Variants in PRDM8 observed in about 807,000 individuals in gnomAD.
PRDM8 encodes the protein PR/SET domain 8, also known as PR domain zinc finger protein 8.
A neutral mutation model predicts 46.5 loss-of-function variants in PRDM8; 13 were observed. The observed-to-expected ratio is 0.28, with a 90% confidence interval of 0.18 to 0.44. The LOEUF (loss-of-function observed/expected upper bound fraction) is 0.44, where lower values mean the gene tolerates loss of function less well. PRDM8 is among the 20% of genes least tolerant of loss of function. The probability of loss-of-function intolerance (pLI) is 1.00; values close to 1 mark genes in which losing one functional copy is unlikely to be tolerated. For synonymous variants in PRDM8, 473 were observed against 438.4 expected (o/e 1.08, Z -0.98); for missense variants, 998 against 955.0 (o/e 1.04, Z -0.59).
At chr4:80,195,562 C>G (rs56275326), upstream of PRDM8, among the ~76,000 whole-genome samples, 5 of 151,408 alleles carry the variant, frequency 3.3e-5, no homozygotes, top group African/African-American at 9.7e-5. Context: ...AGAAGTGAAT[C>G]TAGTATTCAA....
chr4:80,198,098 G>A (rs1235272867), intron 1 of PRDM8, among the ~76,000 whole-genome samples: 1 of 152,214 alleles, frequency 6.6e-6, no homozygotes, highest in Non-Finnish European at 1.5e-5. Context: ...CCTAGAGCGG[G>A]GCACGGAGCT....
upstream of PRDM8, chr4:80,196,880 A>G: frequency 1.0e-6 from 1 of 980,016 alleles, no homozygotes; most frequent in Non-Finnish European, 1.2e-6. Flanking sequence ...GTCTGGTGAC[A>G]TTCTCACTCC....
At chr4:80,195,728 C>T (rs1410510475), upstream of PRDM8, among the ~76,000 whole-genome samples, 1 of 152,122 alleles carries the variant, frequency 6.6e-6, no homozygotes, top group Admixed American at 6.5e-5. Flanking sequence ...GTACATAAAA[C>T]TGCACTTCAA....
In PRDM8 at chr4:80,203,197, A is replaced by G; in HGVS notation, c.1735A>G (p.Thr579Ala). 1.3e-6 allele frequency: 2 copies of G among 1,549,982 alleles called. No individual in the cohort carries two copies. The highest frequency in any genetic ancestry group is 1.7e-6 in the Non-Finnish European group (2 of 1,150,586). Reference sequence around the variant, plus strand: ...TAAGCAGAGCCCCTTCCTGTACGCCACCGCCTTCTGGCCCAAGAGCTCCGC... The same window carrying G: ...TAAGCAGAGCCCCTTCCTGTACGCCGCCGCCTTCTGGCCCAAGAGCTCCGC... ...LPKQSPFLYA[T>A]AFWPKSSAAA... The change falls in exon 4 of 4, where the codon ACC (threonine) becomes GCC (alanine). Residue 579 changes from threonine to alanine, a missense_variant. Transcript: ENST00000415738.
intron 1 of PRDM8, among the ~76,000 whole-genome samples, chr4:80,187,244 T>TGCGGGGGGGGGGGGGG (rs60061648): frequency 1.1e-5 from 1 of 89,968 alleles, no homozygotes. Context: ...TTCTCTGCCC[T>TGCGGGGGGGGGGGGGG]GGGGCGGGGG....
chr4:80,202,940 C>G lies in PRDM8; in HGVS notation c.1478C>G (p.Ala493Gly), dbSNP rs760170098. 17 of 1,461,594 alleles carry G rather than the reference C, an allele frequency of 1.2e-5. 1 individual carries two copies. Among genetic ancestry groups the G allele is most frequent in the South Asian group, 1.1e-4 (8 of 75,486 alleles). 90.5% of individuals were successfully genotyped at this position (1,461,594 alleles called of 1,614,324 possible). ...GGCGCGGGCGGGGGCCAGGGCGCCG[C>G]GTCGGACGAGCGCAAAAGCGCCTTC... is the stretch of plus-strand genomic sequence containing the variant. ...AGGAGGGQGAASDERKSAFSQ... is the reference protein window; with the variant it reads ...AGGAGGGQGAGSDERKSAFSQ... The change falls in exon 4 of 4, where the codon GCG becomes GGG. Residue 493 changes from alanine (A) to glycine (G), a missense_variant. By Grantham distance (60) the Ala-to-Gly change is moderately conservative. Transcript: ENST00000415738.
Position 80,201,423 on chromosome 4 carries a change from G to A in PRDM8, c.353G>A (p.Arg118His), listed in dbSNP as rs1738432931. 4 of 1,614,104 alleles carry A rather than the reference G, an allele frequency of 2.5e-6. No individual in the cohort carries two copies. Among genetic ancestry groups the A allele is most frequent in the Admixed American group, 1.7e-5 (1 of 60,010 alleles). ...GGACAGCTGTTCTACCGCTCTCTCC[G>A]CAGGATTGCCAAAGACGAGGAGTTA... ...KNGQLFYRSL[R>H]RIAKDEELLV... Residue 118 changes from arginine to histidine, a missense_variant, in exon 3 of 4, where the codon CGC becomes CAC. Transcript: ENST00000415738.
At position 80,202,420 on chromosome 4, in the gene PRDM8, G is replaced by A. The variant is rs1397271177; in HGVS notation, c.958G>A (p.Ala320Thr). ...GKGKRKFPEE[A>T]AEGGGGAGLV... ...AGGAAAGAGGAAATTCCCGGAGGAG[G>A]CGGCGGAGGGCGGCGGTGGCGCTGG... The change falls in exon 4 of 4, where the codon GCG (alanine) becomes ACG (threonine). Residue 320 changes from alanine (A) to threonine (T), a missense_variant. Coordinates refer to ENST00000415738, the MANE Select transcript of PRDM8 (RefSeq NM_001099403.2). 1 of 1,550,382 alleles carries A rather than the reference G, an allele frequency of 6.5e-7. No individual in the cohort carries two copies. Among genetic ancestry groups the A allele is most frequent in the Non-Finnish European group, 8.7e-7 (1 of 1,148,040 alleles).
At chr4:80,194,141 A>T, upstream of PRDM8, 1 of 899,832 alleles carries the variant, frequency 1.1e-6, no homozygotes, top group Non-Finnish European at 1.3e-6. Flanking sequence ...GGTGTCATTT[A>T]TCAACCTCTC....
At chr4:80,191,452 C>A (rs1737535299) in intron 1 of PRDM8, 1 of 108,842 alleles carries the variant, frequency 9.2e-6, no homozygotes, top group African/African-American at 6.0e-5. Flanking sequence ...ATGAATAATA[C>A]CACGGTTACT....
chr4:80,196,156 A>C, upstream of PRDM8: 1 of 934,982 alleles, frequency 1.1e-6, no homozygotes, highest in Non-Finnish European at 1.3e-6. Context: ...CCCCAAATAC[A>C]TTATTTCAAC....
At chr4:80,196,249 T>A, upstream of PRDM8, 1 of 950,846 alleles carries the variant, frequency 1.1e-6, no homozygotes, top group Non-Finnish European at 1.3e-6. Context: ...ATCCGATTTA[T>A]CCTAATGCTG....
At chr4:80,201,885 C>T (rs1036112539) in intron 3 of PRDM8, 29 bp from the exon 4 acceptor site, 62 of 1,600,696 alleles carry the variant, frequency 3.9e-5, no homozygotes, top group Admixed American at 1.3e-4. Context: ...TGCGTGCGTG[C>T]GTGTGTGTGG....
At position 80,202,372 on chromosome 4, in the gene PRDM8, G is replaced by A; in HGVS notation, c.910G>A (p.Gly304Ser). The change falls in exon 4 of 4, where the codon GGC (glycine) becomes AGC (serine). Residue 304 changes from glycine to serine, a missense_variant. Coordinates refer to ENST00000415738, the MANE Select transcript of PRDM8 (RefSeq NM_001099403.2). ...GHQEAELSPD[G>S]IATGGGKGKR... is the part of the protein sequence containing the mutation. The stretch of plus-strand genomic sequence containing the variant: ...CCAGGAGGCGGAGCTGAGTCCCGAC[G>A]GCATCGCCACGGGCGGCGGCAAAGG... 3 of 1,593,242 alleles carry A rather than the reference G, an allele frequency of 1.9e-6. No individual in the cohort carries two copies. Among genetic ancestry groups the A allele is most frequent in the African/African-American group, 1.3e-5 (1 of 74,398 alleles).
chr4:80,201,172 C>T, intron 2 of PRDM8, 118 bp from the exon 3 acceptor site: 1 of 995,912 alleles, frequency 1.0e-6, no homozygotes. Context: ...TGGTCTCAGA[C>T]AATTTTTGGA....
At position 80,203,463 on chromosome 4, in the gene PRDM8, G is replaced by C; in HGVS notation, c.2001G>C (p.Lys667Asn). The C allele has an allele frequency of 1.2e-6, 2 of 1,613,480 alleles. No homozygotes were observed. Among genetic ancestry groups the C allele is most frequent in the African/African-American group, 1.3e-5 (1 of 74,986 alleles). ...LVKRRREEKL[K>N]CPICNESFRE... ...AGCGGCGGCGAGAGGAGAAACTCAA[G>C]TGCCCCATCTGCAATGAGTCCTTCA... Residue 667 changes from lysine (K) to asparagine (N), a missense_variant, in exon 4 of 4, where the codon AAG becomes AAC. Lys to Asn is a moderately conservative substitution (Grantham distance 94, BLOSUM62 0). Coordinates refer to ENST00000415738, the MANE Select transcript of PRDM8 (RefSeq NM_001099403.2).
chr4:80,202,138 A>C lies in PRDM8; in HGVS notation c.676A>C (p.Lys226Gln), dbSNP rs1349015776. 20 of 1,609,412 alleles carry C rather than the reference A, an allele frequency of 1.2e-5. No homozygotes were observed. Among genetic ancestry groups the C allele is most frequent in the Non-Finnish European group, 1.6e-5 (19 of 1,178,838 alleles). ...QQEAPLGPGP[K>Q]FCKAGPLHHY... is the part of the protein sequence containing the mutation. ...GGAGGCACCTTTAGGCCCGGGTCCC[A>C]AGTTTTGCAAAGCCGGCCCCCTCCA... Residue 226 changes from lysine to glutamine, a missense_variant, in exon 4 of 4, where the codon AAG becomes CAG. Transcript: ENST00000415738.
upstream of PRDM8, chr4:80,196,485 CAA>C: frequency 2.0e-6 from 2 of 985,460 alleles, no homozygotes; most frequent in Non-Finnish European, 2.4e-6. Flanking sequence ...ACTAAAGGGG[CAA>C]GTCAGCGCCT....
intron 1 of PRDM8, among the ~76,000 whole-genome samples, chr4:80,198,718 C>T (rs547824453): frequency 6.6e-6 from 1 of 152,140 alleles, no homozygotes; most frequent in African/African-American, 2.4e-5. Flanking sequence ...TGTAATCACA[C>T]GTGTAAGGTT....
Sources: allele counts gnomAD v4.1 joint callset (sites outside exome capture counted in the v4.1 genomes callset), GRCh38; gene constraint gnomAD v4.1.1; transcripts MANE v1.5; gene names NCBI Gene and HGNC (gene_info 2026-07-23, HGNC 2026-07-21).